The following IL1RAPL1 variants were observed in gnomAD, a reference collection of about 807,000 sequenced individuals.
IL1RAPL1 encodes interleukin 1 receptor accessory protein like 1.
IL1RAPL1 carries 3 observed loss-of-function variants against 48.4 expected under a neutral mutation model. The observed-to-expected ratio is 0.06, with a 90% CI of 0.03 to 0.16. The LOEUF is 0.16. Ranked by LOEUF, IL1RAPL1 falls within the 10% of genes least tolerant of loss-of-function variation. IL1RAPL1 has a pLI of 1.00. For synonymous variants in IL1RAPL1, 185 were observed against 187.7 expected (o/e 0.99, Z 0.12); for missense variants, 349 against 530.6 (o/e 0.66, Z 3.36).
At chrX:28,793,389 C>T (rs1936575940) in intron 2 of IL1RAPL1, among the ~76,000 whole-genome samples, 1 of 101,409 alleles carries the variant, frequency 9.9e-6, no homozygotes, top group Non-Finnish European at 1.9e-5. Flanking sequence ...TTCCTTCCTT[C>T]CTTTCTTCCT....
intron 6 of IL1RAPL1, among the ~76,000 whole-genome samples, chrX:29,789,589 G>GT (rs1276529861): frequency 5.4e-5 from 6 of 110,099 alleles, no homozygotes; most frequent in East Asian, 5.7e-4. Context: ...CAATTTGTTT[G>GT]TTTTTTTTCT....
chrX:28,855,778 C>T (rs926939609), intron 2 of IL1RAPL1, among the ~76,000 whole-genome samples: 3 of 111,022 alleles, frequency 2.7e-5, no homozygotes, highest in Admixed American at 9.7e-5. Flanking sequence ...GTCTGGAGAG[C>T]CCTTTTTATT....
chrX:29,527,588 G>C (rs746630842), intron 5 of IL1RAPL1, among the ~76,000 whole-genome samples: 2 of 110,081 alleles, frequency 1.8e-5, no homozygotes, highest in African/African-American at 6.6e-5. Flanking sequence ...TCCTCCCAAA[G>C]TGCTGGGATT....
chrX:29,233,733 G>T (rs1416098825), intron 2 of IL1RAPL1, among the ~76,000 whole-genome samples: 1 of 111,998 alleles, frequency 8.9e-6, no homozygotes, highest in Non-Finnish European at 1.9e-5. Context: ...ATAATTTTGT[G>T]TATATAATTT....
At chrX:29,336,275 T>TATATATATATAC (rs1932993854) in intron 3 of IL1RAPL1, among the ~76,000 whole-genome samples, 1 of 75,185 alleles carries the variant, frequency 1.3e-5, no homozygotes. Context: ...ATGCCATATA[T>TATATATATATAC]ATATATATAT....
At chrX:29,659,349 T>C (rs1925774849) in intron 5 of IL1RAPL1, among the ~76,000 whole-genome samples, 1 of 112,271 alleles carries the variant, frequency 8.9e-6, no homozygotes, top group Non-Finnish European at 1.9e-5. Context: ...ATAATGACTT[T>C]CCATCTATCT....
chrX:29,443,756 A>C (rs1418612351), intron 5 of IL1RAPL1, among the ~76,000 whole-genome samples: 1 of 111,754 alleles, frequency 8.9e-6, no homozygotes, highest in Non-Finnish European at 1.9e-5. Flanking sequence ...TCTGCTCTAC[A>C]TGAGGTCAAC....
At chrX:29,338,637 T>G (rs1449231096) in intron 3 of IL1RAPL1, among the ~76,000 whole-genome samples, 2 of 111,433 alleles carry the variant, frequency 1.8e-5, no homozygotes, top group East Asian at 5.7e-4. Flanking sequence ...TAAAGTTGAA[T>G]CCGGGAGCTC....
intron 2 of IL1RAPL1, among the ~76,000 whole-genome samples, chrX:28,812,181 C>T (rs971190723): frequency 1.8e-5 from 2 of 109,927 alleles, no homozygotes; most frequent in African/African-American, 6.6e-5. Context: ...CTTCTATGTG[C>T]CTTTATTAGT....
intron 5 of IL1RAPL1, among the ~76,000 whole-genome samples, chrX:29,426,511 A>G (rs1312981360): frequency 9.0e-6 from 1 of 111,103 alleles, no homozygotes; most frequent in African/African-American, 3.3e-5. Flanking sequence ...AATTACTCAC[A>G]TTTTCAAGAC....
chrX:29,163,083 A>G (rs1389542448), intron 2 of IL1RAPL1, among the ~76,000 whole-genome samples: 1 of 110,365 alleles, frequency 9.1e-6, no homozygotes, highest in African/African-American at 3.3e-5. Flanking sequence ...AAAAAAAAAA[A>G]AAAGAAAGAA....
In IL1RAPL1 at chrX:28,812,340, ATAATTT is replaced by A. The variant is rs761517673; in HGVS notation, c.82+22919_82+22924del. 7.6e-4 allele frequency among the ~76,000 whole-genome samples: 84 copies of A among 111,028 alleles called. No individual in the cohort carries two copies. In the Middle Eastern group the frequency reaches 0.014, roughly 19 times the overall value. On this transcript the variant is annotated intron_variant, in intron 2 of 10. Transcript: ENST00000378993. ...TTGCCAAAGAATCACTCTCTGATAA[ATAATTT>A]TAAAGTGTCAACTCTCTGAATATTG...
rs978871205 is a variant in IL1RAPL1, at chrX:28,862,464, C to A, written c.82+73039C>A. ...TGTTCAATCTGATGATTAAATTGGG[C>A]AGAGAAAAGAGTTCCAGTTATGTGA... On this transcript the variant is annotated intron_variant, in intron 2 of 10. Transcript: ENST00000378993. Among the ~76,000 whole-genome samples the A allele has an allele frequency of 5.4e-5, 6 of 111,641 alleles. No individual in the cohort carries two copies. The South Asian group carries it at 2.3e-3, about 42-fold the overall frequency.
intron 2 of IL1RAPL1, among the ~76,000 whole-genome samples, chrX:29,169,146 C>T (rs896917657): frequency 1.3e-3 from 140 of 108,846 alleles, no homozygotes; most frequent in African/African-American, 4.5e-3. Flanking sequence ...GTCTCTTTGA[C>T]ATACTGATTT....
At chrX:29,633,696 G>A (rs1397891521) in intron 5 of IL1RAPL1, among the ~76,000 whole-genome samples, 1 of 111,251 alleles carries the variant, frequency 9.0e-6, no homozygotes, top group Admixed American at 9.6e-5. Flanking sequence ...GAGAGAATCT[G>A]TTCTATGCCT....
chrX:28,639,666 C>A lies in IL1RAPL1; in HGVS notation c.-25+51619C>A, dbSNP rs748867627. Among the ~76,000 whole-genome samples, 5 of 111,501 alleles carry A rather than the reference C, an allele frequency of 4.5e-5. No individual in the cohort carries two copies. In the South Asian group the frequency reaches 1.9e-3, roughly 42 times the overall value. ...CTCACAGGAAATACCAGTGAAGGATCAAAGAAGCAGAATAAAAAAGGGAAG... is the reference window on the plus strand; with the variant it reads ...CTCACAGGAAATACCAGTGAAGGATAAAAGAAGCAGAATAAAAAAGGGAAG... On this transcript the variant is annotated intron_variant, in intron 1 of 10. Coordinates refer to ENST00000378993, the MANE Select transcript of IL1RAPL1 (RefSeq NM_014271.4).
chrX:28,993,526 G>T (rs909481891), intron 2 of IL1RAPL1, among the ~76,000 whole-genome samples: 1 of 112,085 alleles, frequency 8.9e-6, no homozygotes, highest in Non-Finnish European at 1.9e-5. Context: ...AACAGAAATA[G>T]AAAAGTCAAG....
At chrX:28,874,563 A>C (rs1222253566) in intron 2 of IL1RAPL1, among the ~76,000 whole-genome samples, 2 of 112,177 alleles carry the variant, frequency 1.8e-5, no homozygotes, top group Non-Finnish European at 3.8e-5. Context: ...TGCCAAACTT[A>C]AGTGACTATG....
At chrX:29,863,530 G>A (rs1049399406) in intron 6 of IL1RAPL1, among the ~76,000 whole-genome samples, 5 of 111,865 alleles carry the variant, frequency 4.5e-5, no homozygotes, top group Admixed American at 1.9e-4. Context: ...TTGCAAGTCA[G>A]ATGGGGACTT....
Sources: gnomAD v4.1 joint callset for allele counts (sites outside exome capture counted in the v4.1 genomes callset) on GRCh38, gnomAD v4.1.1 for gene constraint, MANE v1.5 for transcripts, NCBI Gene and HGNC (gene_info 2026-07-23, HGNC 2026-07-21) for gene names.